The following RBFOX1 variants were observed in gnomAD, a reference collection of about 807,000 sequenced individuals.
RBFOX1 encodes the protein RNA binding fox-1 homolog 1, also known as RNA binding protein fox-1 homolog 1.
A neutral mutation model predicts 57.7 loss-of-function variants in RBFOX1; 8 were observed. The observed-to-expected ratio is 0.14, with a 90% CI of 0.08 to 0.25. The LOEUF is 0.25. Ranked by LOEUF, RBFOX1 falls within the 10% of genes least tolerant of loss-of-function variation. The pLI is 1.00. For missense variants in RBFOX1, 611 were observed against 548.5 expected (o/e 1.11, Z -1.14); for synonymous variants, 326 against 222.4 (o/e 1.47, Z -4.15).
rs934864369 is a variant in RBFOX1, at chr16:7,519,677, A to C, written c.270+1288A>C. On this transcript the variant is annotated intron_variant, in intron 5 of 15. Transcript: ENST00000550418. ...CTGCAGAATTCTTTAGAAGCTTGGGAACCCCAATCCTGTCGTCTGGAACAT... is the reference window on the plus strand; with the variant it reads ...CTGCAGAATTCTTTAGAAGCTTGGGCACCCCAATCCTGTCGTCTGGAACAT... 17 of 985,290 alleles carry C rather than the reference A, an allele frequency of 1.7e-5. No individual in the cohort carries two copies. In the African/African-American group the frequency reaches 3.0e-4, roughly 17 times the overall value. The allele number at this position is 985,290 out of a possible 1,614,324, so 61.0% of individuals were successfully genotyped here.
chr16:6,143,841 G>C (rs1269734815), intron 1 of RBFOX1, among the ~76,000 whole-genome samples: 2 of 151,822 alleles, frequency 1.3e-5, no homozygotes, highest in Admixed American at 1.3e-4. Flanking sequence ...TTTTGCCTAG[G>C]CTGGAGTACA....
chr16:7,097,146 A>G (rs2061841350), intron 4 of RBFOX1, among the ~76,000 whole-genome samples: 1 of 152,104 alleles, frequency 6.6e-6, no homozygotes, highest in South Asian at 2.1e-4. Context: ...AGGTATTGTG[A>G]ATGGTGACTT....
intron 4 of RBFOX1, among the ~76,000 whole-genome samples, chr16:7,269,775 A>G (rs1461185292): frequency 6.6e-6 from 1 of 152,230 alleles, no homozygotes; most frequent in African/African-American, 2.4e-5. Flanking sequence ...TAAATGCTAA[A>G]AAGTATTGTG....
intron 1 of RBFOX1, among the ~76,000 whole-genome samples, chr16:5,437,074 G>T (rs1487332049): frequency 6.6e-6 from 1 of 152,262 alleles, no homozygotes; most frequent in Non-Finnish European, 1.5e-5. Context: ...CTAGAGTGTA[G>T]ACTGAACTTT....
At chr16:5,670,973 C>T (rs974901124) in intron 3 of RBFOX1, among the ~76,000 whole-genome samples, 6 of 152,188 alleles carry the variant, frequency 3.9e-5, no homozygotes, top group Admixed American at 2.6e-4. Flanking sequence ...TGGCAGGTGG[C>T]AGGGACAGAA....
At chr16:6,987,120 G>C (rs1000628964) in intron 3 of RBFOX1, among the ~76,000 whole-genome samples, 5 of 152,128 alleles carry the variant, frequency 3.3e-5, no homozygotes, top group Admixed American at 2.6e-4. Context: ...TCTTGTGTGG[G>C]TGTAGTGGGC....
chr16:7,150,752 T>C (rs2075957217), intron 4 of RBFOX1, among the ~76,000 whole-genome samples: 1 of 152,196 alleles, frequency 6.6e-6, no homozygotes, highest in Admixed American at 6.5e-5. Flanking sequence ...CAAAATAGAA[T>C]AGAACCAGCA....
chr16:6,759,480 TG>T, intron 3 of RBFOX1, among the ~76,000 whole-genome samples: 1 of 46,894 alleles, frequency 2.1e-5, no homozygotes, highest in Non-Finnish European at 6.1e-5. Flanking sequence ...TGTCTGTGTG[TG>T]TGTGTGTGTG....
intron 2 of RBFOX1, among the ~76,000 whole-genome samples, chr16:6,535,560 G>A (rs992912893): frequency 1.3e-5 from 2 of 152,136 alleles, no homozygotes; most frequent in Non-Finnish European, 2.9e-5. Flanking sequence ...TGTATCTTTA[G>A]CACATGTAAA....
intron 4 of RBFOX1, among the ~76,000 whole-genome samples, chr16:7,080,266 G>C (rs2058987107): frequency 1.3e-5 from 2 of 151,914 alleles, no homozygotes; most frequent in African/African-American, 4.8e-5. Context: ...GCAATTTTAG[G>C]GATCTTTACT....
intron 4 of RBFOX1, among the ~76,000 whole-genome samples, chr16:7,504,948 A>G (rs2072725061): frequency 6.7e-6 from 1 of 149,552 alleles, no homozygotes; most frequent in Admixed American, 6.7e-5. Flanking sequence ...GTGAAGCCCT[A>G]CGCAGCATGC....
intron 3 of RBFOX1, among the ~76,000 whole-genome samples, chr16:6,901,818 A>G (rs908002036): frequency 2.0e-5 from 3 of 152,300 alleles, no homozygotes; most frequent in Middle Eastern, 3.4e-3. Context: ...TCACTGTTAT[A>G]TTTACTGTGT....
At chr16:6,456,542 AG>A (rs1321135462) in intron 2 of RBFOX1, among the ~76,000 whole-genome samples, 1 of 152,224 alleles carries the variant, frequency 6.6e-6, no homozygotes, top group Non-Finnish European at 1.5e-5. Context: ...TAAGGAGTTT[AG>A]CTTTTACTTT....
At position 7,261,108 on chromosome 16, in the gene RBFOX1, C is replaced by T. The variant is rs865918371; in HGVS notation, c.27+209010C>T. On this transcript the variant is annotated intron_variant, in intron 4 of 15. Coordinates refer to ENST00000550418, the MANE Select transcript of RBFOX1 (RefSeq NM_018723.4). ...ATTTGGAGGGACAATGGCATCAAGT[C>T]AGGACTTCCTCTGTAGGACACATAT... Among the ~76,000 whole-genome samples, 7 of 152,174 alleles carry T rather than the reference C, an allele frequency of 4.6e-5. No individual in the cohort carries two copies. In the South Asian group the frequency reaches 1.0e-3, roughly 23 times the overall value.
At chr16:6,954,505 A>G (rs1251611234) in intron 3 of RBFOX1, among the ~76,000 whole-genome samples, 1 of 152,184 alleles carries the variant, frequency 6.6e-6, no homozygotes, top group Non-Finnish European at 1.5e-5. Context: ...ATTTGTTTTA[A>G]TAAAAAGGGG....
At chr16:6,011,056 A>G (rs1459828912) in intron 4 of RBFOX1, among the ~76,000 whole-genome samples, 2 of 152,226 alleles carry the variant, frequency 1.3e-5, no homozygotes, top group African/African-American at 4.8e-5. Flanking sequence ...AATGGCTTAA[A>G]TATCTTTACT....
At chr16:5,460,124 C>T (rs1024700450) in intron 1 of RBFOX1, among the ~76,000 whole-genome samples, 11 of 152,076 alleles carry the variant, frequency 7.2e-5, no homozygotes, top group Non-Finnish European at 1.3e-4. Flanking sequence ...GTAAAGTCGG[C>T]ATGTTTTTAG....
At chr16:7,326,632 T>C (rs1284658205) in intron 4 of RBFOX1, among the ~76,000 whole-genome samples, 1 of 151,752 alleles carries the variant, frequency 6.6e-6, no homozygotes, top group Non-Finnish European at 1.5e-5. Flanking sequence ...ACTGCTGTAA[T>C]GCATTTATGA....
chr16:5,343,557 G>T (rs536805691), intron 1 of RBFOX1, among the ~76,000 whole-genome samples: 2 of 151,500 alleles, frequency 1.3e-5, no homozygotes, highest in Admixed American at 6.6e-5. Flanking sequence ...TCCTGTCCTC[G>T]TGATCTACCT....
Sources: gnomAD v4.1 joint callset for allele counts (sites outside exome capture counted in the v4.1 genomes callset) on GRCh38, gnomAD v4.1.1 for gene constraint, MANE v1.5 for transcripts, NCBI Gene and HGNC (gene_info 2026-07-23, HGNC 2026-07-21) for gene names.